The following NRG1 variants were observed in gnomAD, a reference collection of about 807,000 sequenced individuals.
NRG1 encodes the protein pro-neuregulin-1, membrane-bound isoform.
Under a neutral mutation model 63.8 loss-of-function variants are expected in NRG1, and 18 were observed. The ratio of observed to expected loss-of-function variants is 0.28; its 90% CI spans 0.19 to 0.42. The LOEUF (loss-of-function observed/expected upper bound fraction) is 0.42, where lower values mean the gene tolerates loss of function less well. NRG1 is among the 10% of genes least tolerant of loss of function. The probability of loss-of-function intolerance (pLI) is 1.00; values close to 1 mark genes in which losing one functional copy is unlikely to be tolerated. For missense variants in NRG1, 762 were observed against 814.7 expected, an observed-to-expected ratio of 0.94 and a Z score of 0.79; for synonymous variants, 302 against 301.3, an observed-to-expected ratio of 1.00 and a Z score of -0.02.
intron 1 of NRG1, among the ~76,000 whole-genome samples, chr8:31,717,510 G>A (rs1445549423): frequency 6.6e-6 from 1 of 151,954 alleles, no homozygotes; most frequent in Non-Finnish European, 1.5e-5. Flanking sequence ...ATGTAGGAAG[G>A]GCACTGAAGA....
rs57363109 is a variant in NRG1, at chr8:31,712,255, C to CTTTTTTTTTTTTTTTTTTTTTTTT, written c.37+72831_37+72854dup. Among the ~76,000 whole-genome samples, 63 of 72,350 alleles carry CTTTTTTTTTTTTTTTTTTTTTTTT rather than the reference C, an allele frequency of 8.7e-4. 9 individuals carry two copies. The highest frequency in any genetic ancestry group is 1.1e-3 in the Non-Finnish European group (42 of 39,662). 47.5% of individuals were successfully genotyped at this position (72,350 alleles called of 152,430 possible). ...TGACTTCCTGTTTCTTCTTCATGAT[C>CTTTTTTTTTTTTTTTTTTTTTTTT]TTTTTTTTTTTTTTTTTTTTTTTTT... On this transcript the variant is annotated intron_variant, in intron 1 of 10. Transcript: ENST00000519301.
intron 1 of NRG1, among the ~76,000 whole-genome samples, chr8:32,175,767 A>C (rs1321858437): frequency 6.6e-6 from 1 of 152,206 alleles, no homozygotes; most frequent in Non-Finnish European, 1.5e-5. Context: ...TAGGAATCCA[A>C]CTTACAAGGG....
chr8:31,943,136 C>T (rs562978605), intron 1 of NRG1, among the ~76,000 whole-genome samples: 1 of 152,134 alleles, frequency 6.6e-6, no homozygotes, highest in East Asian at 1.9e-4. Context: ...CATCAATCAA[C>T]CAGTGGATAA....
intron 1 of NRG1, among the ~76,000 whole-genome samples, chr8:32,372,688 T>G (rs949616923): frequency 1.3e-5 from 2 of 152,192 alleles, no homozygotes; most frequent in Admixed American, 1.3e-4. Flanking sequence ...CATCTGCATT[T>G]GAATCTGGGG....
In NRG1 at chr8:32,075,569, A is replaced by G. The variant is rs969943124; in HGVS notation, c.37+436138A>G. ...TGTATACTTTAAGCAGATTACTTAT[A>G]ATACCTAATATAATGTGAATGCTAT... On this transcript the variant is annotated intron_variant, in intron 1 of 10. Transcript: ENST00000519301. 3.3e-5 allele frequency among the ~76,000 whole-genome samples: 5 copies of G among 152,330 alleles called. No homozygotes were observed. In the East Asian group the frequency reaches 9.6e-4, roughly 29 times the overall value.
intron 1 of NRG1, among the ~76,000 whole-genome samples, chr8:32,047,365 T>C (rs1456779122): frequency 6.6e-6 from 1 of 151,940 alleles, no homozygotes; most frequent in Non-Finnish European, 1.5e-5. Flanking sequence ...AATACCCCTA[T>C]AAAAAGATAA....
At position 32,154,019 on chromosome 8, in the gene NRG1, AG is replaced by A. The variant is rs535909094; in HGVS notation, c.38-441807del. Among the ~76,000 whole-genome samples the A allele has an allele frequency of 4.5e-4, 68 of 152,296 alleles. No homozygotes were observed. The South Asian group carries it at 8.7e-3, about 19-fold the overall frequency. On this transcript the variant is annotated intron_variant, in intron 1 of 10. Coordinates refer to the NRG1 transcript ENST00000519301. Reference sequence around the variant, plus strand: ...GAACATTGGCTTTTGGACAAATAACAGGCAGATTCTTTGGTGAAGCTTTGTT... The same window carrying A: ...GAACATTGGCTTTTGGACAAATAACAGCAGATTCTTTGGTGAAGCTTTGTT...
intron 1 of NRG1, among the ~76,000 whole-genome samples, chr8:32,381,942 A>C (rs1021417066): frequency 6.6e-6 from 1 of 152,230 alleles, no homozygotes; most frequent in Admixed American, 6.5e-5. Context: ...AAAAGTGAAA[A>C]GCATTTTAAA....
At chr8:32,070,758 A>G (rs73241633) in intron 1 of NRG1, among the ~76,000 whole-genome samples, 1 of 152,256 alleles carries the variant, frequency 6.6e-6, no homozygotes, top group Non-Finnish European at 1.5e-5. Flanking sequence ...AGCAGAGTGT[A>G]TTTTTTACAG....
chr8:32,309,412 T>C (rs1055601480), intron 1 of NRG1, among the ~76,000 whole-genome samples: 40 of 152,198 alleles, frequency 2.6e-4, no homozygotes, highest in Non-Finnish European at 8.8e-5. Context: ...TGTATTATCA[T>C]TCATTGTCTA....
chr8:32,015,935 A>G (rs1815464897), intron 1 of NRG1, among the ~76,000 whole-genome samples: 1 of 152,050 alleles, frequency 6.6e-6, no homozygotes, highest in African/African-American at 2.4e-5. Flanking sequence ...AATACAATAT[A>G]AGAATTTAAT....
At chr8:31,782,718 C>T (rs889634635) in intron 1 of NRG1, among the ~76,000 whole-genome samples, 6 of 152,110 alleles carry the variant, frequency 3.9e-5, no homozygotes, top group South Asian at 2.1e-4. Context: ...ATGAACCCAA[C>T]GCTGTGCTTT....
At chr8:32,386,821 C>T (rs1359537080) in intron 1 of NRG1, among the ~76,000 whole-genome samples, 3 of 152,156 alleles carry the variant, frequency 2.0e-5, no homozygotes, top group African/African-American at 2.4e-5. Context: ...CATGCAGATA[C>T]CAAATTTTAC....
chr8:31,740,806 G>A (rs771100013), intron 1 of NRG1, among the ~76,000 whole-genome samples: 10 of 151,964 alleles, frequency 6.6e-5, no homozygotes, highest in Non-Finnish European at 1.3e-4. Flanking sequence ...TGAAAGTTAA[G>A]ACAAGAACTC....
intron 1 of NRG1, among the ~76,000 whole-genome samples, chr8:32,368,658 T>C (rs1808403355): frequency 6.6e-6 from 1 of 152,214 alleles, no homozygotes. Context: ...GATGTTTCCC[T>C]GCAATGACAG....
chr8:31,730,784 G>A (rs1233170387), intron 1 of NRG1, among the ~76,000 whole-genome samples: 1 of 151,988 alleles, frequency 6.6e-6, no homozygotes, highest in African/African-American at 2.4e-5. Context: ...ACAAACTTTG[G>A]TAAGACACAA....
intron 1 of NRG1, among the ~76,000 whole-genome samples, chr8:32,417,119 A>C (rs1402289136): frequency 6.6e-6 from 1 of 152,212 alleles, no homozygotes; most frequent in African/African-American, 2.4e-5. Flanking sequence ...GAGCCATATG[A>C]CAGGACATAC....
intron 1 of NRG1, among the ~76,000 whole-genome samples, chr8:31,922,145 G>T (rs1833972967): frequency 6.6e-6 from 1 of 152,154 alleles, no homozygotes; most frequent in Non-Finnish European, 1.5e-5. Context: ...AGTGAACTTG[G>T]CAGAGTTGGG....
intron 1 of NRG1, among the ~76,000 whole-genome samples, chr8:31,882,540 G>A (rs1428380804): frequency 6.6e-6 from 1 of 151,960 alleles, no homozygotes; most frequent in Non-Finnish European, 1.5e-5. Context: ...ATTTTTTAAG[G>A]TGATAGCTGC....
Sources: allele counts gnomAD v4.1 joint callset (sites outside exome capture counted in the v4.1 genomes callset), GRCh38; gene constraint gnomAD v4.1.1; transcripts MANE v1.5; gene names NCBI Gene and HGNC (gene_info 2026-07-23, HGNC 2026-07-21).